The following DOCK10 variants were observed in gnomAD, a reference collection of about 807,000 sequenced individuals.
DOCK10 encodes dedicator of cytokinesis protein 10.
Under a neutral mutation model 280.1 loss-of-function variants are expected in DOCK10, and 145 were observed. That is an observed-to-expected ratio of 0.52 (90% CI 0.45 to 0.59). The LOEUF is 0.59. Ranked by LOEUF, DOCK10 falls within the 20% of genes least tolerant of loss-of-function variation. DOCK10 has a pLI of 0.00. For synonymous variants in DOCK10, 915 were observed against 942.2 expected (o/e 0.97, Z 0.53); for missense variants, 2,368 against 2,651.7 (o/e 0.89, Z 2.35).
rs770431992 is a variant in DOCK10 at position 224,801,959 on chromosome 2, A to G, written c.4350T>C (p.Leu1450=). 5.0e-6 allele frequency: 8 copies of G among 1,613,164 alleles called. No homozygotes were observed. The highest frequency in any genetic ancestry group is 6.8e-6 in the Non-Finnish European group (8 of 1,179,320). ...TLPIIRGKNA[L]SNPKLLQMLD... ...ACATCTGTAAGAGTTTGGGGTTAGA[A>G]AGTGCATTTTTGCCTCGAATTATAG... The change falls in exon 40 of 56, where the codon CTT becomes CTC. Residue 1450 remains leucine (L), a synonymous_variant. Coordinates refer to ENST00000258390, the MANE Select transcript of DOCK10 (RefSeq NM_014689.3).
intron 1 of DOCK10, among the ~76,000 whole-genome samples, chr2:225,032,883 A>G (rs576764744): frequency 6.6e-6 from 1 of 152,344 alleles, no homozygotes; most frequent in East Asian, 1.9e-4. Flanking sequence ...GAAAGGCCAA[A>G]GAGTCACTGG....
rs1559987172 is a variant in DOCK10, at chr2:225,035,589, ACACTG to A, written c.123+6658_123+6662del. 1.8e-3 allele frequency among the ~76,000 whole-genome samples: 128 copies of A among 70,552 alleles called. 2 individuals carry two copies. Among genetic ancestry groups the A allele is most frequent in the African/African-American group, 6.4e-3 (122 of 18,934 alleles). 46.3% of individuals were successfully genotyped at this position (70,552 alleles called of 152,430 possible). A position where few individuals can be genotyped will look rare whatever the true frequency, so the allele number is the denominator to read the frequency against. On this transcript the variant is annotated intron_variant, in intron 1 of 55. Transcript: ENST00000258390. Reference sequence around the variant, plus strand: ...ATATATATATATATATATATATATAACACTGAATCAGTGTTAATTGTGTGTTGTAT... The same window carrying A: ...ATATATATATATATATATATATATAAAATCAGTGTTAATTGTGTGTTGTAT...
At chr2:224,989,302 G>C (rs1252096733) in intron 1 of DOCK10, among the ~76,000 whole-genome samples, 1 of 152,160 alleles carries the variant, frequency 6.6e-6, no homozygotes, top group South Asian at 2.1e-4. Flanking sequence ...AAGAAACATG[G>C]GGACCAAGGC....
intron 11 of DOCK10, among the ~76,000 whole-genome samples, chr2:224,873,053 CA>C (rs771024814): frequency 3.3e-5 from 5 of 152,122 alleles, no homozygotes; most frequent in Non-Finnish European, 5.9e-5. Context: ...ACGAAGTTTT[CA>C]AGAGAACTCA....
chr2:224,998,586 T>C (rs963982038), intron 1 of DOCK10, among the ~76,000 whole-genome samples: 1 of 152,178 alleles, frequency 6.6e-6, no homozygotes, highest in Non-Finnish European at 1.5e-5. Flanking sequence ...TTCTGCTATA[T>C]ATAAAATAAC....
At chr2:224,811,785 C>G (rs1203785892) in intron 31 of DOCK10, among the ~76,000 whole-genome samples, 1 of 151,506 alleles carries the variant, frequency 6.6e-6, no homozygotes, top group Non-Finnish European at 1.5e-5. Context: ...TGTCAAAGAT[C>G]AGATGGTTGT....
chr2:224,818,108 T>C (rs1473982050), intron 29 of DOCK10, among the ~76,000 whole-genome samples: 2 of 152,220 alleles, frequency 1.3e-5, no homozygotes, highest in African/African-American at 4.8e-5. Flanking sequence ...AGTTGATTCA[T>C]TTAAGCAGAT....
At chr2:224,854,887 C>G in intron 16 of DOCK10, 76 bp downstream of exon 16, 1 of 1,182,902 alleles carries the variant, frequency 8.5e-7, no homozygotes, top group Non-Finnish European at 1.2e-6. Flanking sequence ...AACCAACCAA[C>G]CAACCAACCA....
At chr2:225,035,572 A>ATATAT (rs1553634954) in intron 1 of DOCK10, among the ~76,000 whole-genome samples, 2,722 of 69,910 alleles carry the variant, frequency 0.039, 279 homozygotes, top group South Asian at 0.07. Context: ...ATATATATAT[A>ATATAT]TATATATATA....
In DOCK10 at chr2:224,931,676, A is replaced by C. The variant is rs1298127015; in HGVS notation, c.124-8T>G. On this transcript the variant is annotated splice_region_variant and splice_polypyrimidine_tract_variant and intron_variant, in intron 1 of 55. Transcript: ENST00000258390. ...AAGCCTAGGCTTTTCTTGCTGTAGA[A>C]AAAGAAAATATGGTATTAATCACTG... 6.3e-7 allele frequency: 1 copy of C among 1,586,498 alleles called. No homozygotes were observed. Among genetic ancestry groups the C allele is most frequent in the South Asian group, 1.1e-5 (1 of 86,994 alleles).
At chr2:224,986,794 C>T (rs1705986247) in intron 1 of DOCK10, among the ~76,000 whole-genome samples, 1 of 152,152 alleles carries the variant, frequency 6.6e-6, no homozygotes, top group Non-Finnish European at 1.5e-5. Flanking sequence ...TTGTTTAAAC[C>T]ACCTAGTCTG....
At chr2:224,908,777 A>G (rs2125900792) in intron 3 of DOCK10, among the ~76,000 whole-genome samples, 1 of 152,254 alleles carries the variant, frequency 6.6e-6, no homozygotes, top group South Asian at 2.1e-4. Flanking sequence ...GATTACTGGT[A>G]TAAGCCATTG....
chr2:224,854,949 C>T lies in DOCK10; in HGVS notation c.1888+14G>A. 1 of 1,586,446 alleles carries T rather than the reference C, an allele frequency of 6.3e-7. No individual in the cohort carries two copies. Among genetic ancestry groups the T allele is most frequent in the Non-Finnish European group, 8.6e-7 (1 of 1,160,432 alleles). On this transcript the variant is annotated intron_variant, in intron 16 of 55. Transcript: ENST00000258390. ...TCAAAACTCTGCAACCAAACCATGA[C>T]ATCATCATCATACTTGGATGCTCCA...
intron 1 of DOCK10, among the ~76,000 whole-genome samples, chr2:224,939,019 C>A (rs1702860874): frequency 6.6e-6 from 1 of 152,188 alleles, no homozygotes; most frequent in Admixed American, 6.5e-5. Flanking sequence ...TCAAAGTTAA[C>A]AACTGTGCAG....
At chr2:224,924,089 TG>T (rs1701924715) in intron 2 of DOCK10, among the ~76,000 whole-genome samples, 1 of 152,346 alleles carries the variant, frequency 6.6e-6, no homozygotes, top group Non-Finnish European at 1.5e-5. Flanking sequence ...AAGAATAAAG[TG>T]CTCGTATCTA....
chr2:224,964,898 G>A (rs1456828899), intron 1 of DOCK10, among the ~76,000 whole-genome samples: 1 of 152,136 alleles, frequency 6.6e-6, no homozygotes, highest in Admixed American at 6.5e-5. Context: ...GATTCACAAT[G>A]GCTACGGGTA....
At chr2:224,839,818 G>T (rs927359298) in intron 24 of DOCK10, 136 bp downstream of exon 24, 17 of 442,378 alleles carry the variant, frequency 3.8e-5, no homozygotes, top group Non-Finnish European at 6.1e-5. Flanking sequence ...GGAGTCAAGA[G>T]TGGAAAATGC....
At chr2:224,791,292 T>C (rs1165955788) in intron 47 of DOCK10, among the ~76,000 whole-genome samples, 2 of 152,176 alleles carry the variant, frequency 1.3e-5, no homozygotes, top group African/African-American at 4.8e-5. Context: ...TTTGATGACA[T>C]GCATATAAAT....
intron 1 of DOCK10, among the ~76,000 whole-genome samples, chr2:224,958,047 T>C (rs7421379): frequency 0.58 from 88,575 of 151,940 alleles, 26,372 homozygotes; most frequent in Non-Finnish European, 0.64. Flanking sequence ...TACCTCTGGG[T>C]GACTTCCCTA....
Sources: allele counts gnomAD v4.1 joint callset (sites outside exome capture counted in the v4.1 genomes callset), GRCh38; gene constraint gnomAD v4.1.1; transcripts MANE v1.5; gene names NCBI Gene and HGNC (gene_info 2026-07-23, HGNC 2026-07-21).